CACNA2D3: variants seen among roughly 807,000 people sequenced by gnomAD.
The protein encoded by CACNA2D3 is calcium voltage-gated channel auxiliary subunit alpha2delta 3.
In CACNA2D3, 60 loss-of-function variants were observed where a neutral mutation model predicts 160.6. That is an observed-to-expected ratio of 0.37 (90% CI 0.30 to 0.46). The LOEUF (loss-of-function observed/expected upper bound fraction) is 0.46, where lower values mean the gene tolerates loss of function less well. CACNA2D3 is among the 20% of genes least tolerant of loss of function. The pLI, the probability that CACNA2D3 is intolerant of heterozygous loss-of-function variation, is 1.00. For synonymous variants in CACNA2D3, 558 were observed against 492.9 expected (o/e 1.13, Z -1.75); for missense variants, 1,205 against 1,365.0 (o/e 0.88, Z 1.85).
At chr3:54,275,409 A>T (rs1392519470) in intron 2 of CACNA2D3, among the ~76,000 whole-genome samples, 1 of 152,228 alleles carries the variant, frequency 6.6e-6, no homozygotes, top group Non-Finnish European at 1.5e-5. Context: ...CAAAAACAAT[A>T]TGAAAGGCAT....
chr3:54,171,136 C>CTTTTTTGTTTTTTTT, intron 2 of CACNA2D3, among the ~76,000 whole-genome samples: 1 of 62,540 alleles, frequency 1.6e-5, no homozygotes, highest in Non-Finnish European at 2.9e-5. Context: ...AAGATGATGA[C>CTTTTTTGTTTTTTTT]TTTTTTTTTT....
chr3:54,446,356 A>T (rs1700221888), intron 4 of CACNA2D3, among the ~76,000 whole-genome samples: 1 of 152,136 alleles, frequency 6.6e-6, no homozygotes, highest in Non-Finnish European at 1.5e-5. Flanking sequence ...CTCTGCACAG[A>T]TGGGTCTACT....
At chr3:54,818,544 C>G (rs979921551) in intron 14 of CACNA2D3, among the ~76,000 whole-genome samples, 1 of 152,210 alleles carries the variant, frequency 6.6e-6, no homozygotes, top group Non-Finnish European at 1.5e-5. Context: ...TGTTGCTGGG[C>G]TATATAATAC....
At chr3:54,608,686 C>T (rs1301304764) in intron 9 of CACNA2D3, among the ~76,000 whole-genome samples, 1 of 152,178 alleles carries the variant, frequency 6.6e-6, no homozygotes, top group Non-Finnish European at 1.5e-5. Flanking sequence ...TGGCTTCATC[C>T]TTGCTGCTTG....
At chr3:54,388,010 G>A (rs1329620037) in intron 4 of CACNA2D3, among the ~76,000 whole-genome samples, 5 of 152,186 alleles carry the variant, frequency 3.3e-5, no homozygotes. Context: ...CTTTTGCTTT[G>A]TGGGTACAAC....
chr3:54,512,456 G>A (rs555832183), intron 5 of CACNA2D3, among the ~76,000 whole-genome samples: 8 of 152,282 alleles, frequency 5.3e-5, no homozygotes, highest in East Asian at 1.9e-4. Flanking sequence ...TAGTGACACC[G>A]GGTCCCCCAC....
At chr3:54,484,293 G>C (rs1700979843) in intron 4 of CACNA2D3, among the ~76,000 whole-genome samples, 1 of 151,836 alleles carries the variant, frequency 6.6e-6, no homozygotes, top group Non-Finnish European at 1.5e-5. Context: ...TATTCTCCAT[G>C]ACCCCCTCCC....
chr3:54,858,008 G>A (rs1409108153), intron 17 of CACNA2D3, among the ~76,000 whole-genome samples: 1 of 151,588 alleles, frequency 6.6e-6, no homozygotes, highest in Admixed American at 6.6e-5. Flanking sequence ...TTTGAAGAAA[G>A]GATTTGATGA....
At chr3:55,056,058 G>C (rs184886333) in intron 35 of CACNA2D3, among the ~76,000 whole-genome samples, 45 of 152,078 alleles carry the variant, frequency 3.0e-4, no homozygotes, top group Admixed American at 1.3e-3. Context: ...CCAGAAAAAG[G>C]GTCAGTATCC....
At chr3:54,901,287 A>T (rs1009894061) in intron 27 of CACNA2D3, 1 of 152,256 alleles carries the variant, frequency 6.6e-6, no homozygotes, top group South Asian at 2.1e-4. Flanking sequence ...TTCTTTTTAA[A>T]ACCCTTTCTT....
chr3:54,372,473 C>G (rs937107821), intron 3 of CACNA2D3, among the ~76,000 whole-genome samples: 1 of 152,086 alleles, frequency 6.6e-6, no homozygotes, highest in Non-Finnish European at 1.5e-5. Context: ...TTATGAGCCC[C>G]TAGAACCATG....
At chr3:54,763,778 T>TATATATAC in intron 12 of CACNA2D3, among the ~76,000 whole-genome samples, 1 of 23,824 alleles carries the variant, frequency 4.2e-5, no homozygotes, top group South Asian at 1.0e-3. Context: ...TGTATATATG[T>TATATATAC]ACATATATAT....
At chr3:54,216,356 C>CT (rs1221589448) in intron 2 of CACNA2D3, among the ~76,000 whole-genome samples, 1 of 152,188 alleles carries the variant, frequency 6.6e-6, no homozygotes, top group Non-Finnish European at 1.5e-5. Context: ...TTTTGATTAT[C>CT]TTTAAGTATT....
At position 54,994,959 on chromosome 3, in the gene CACNA2D3, CTTTCTT is replaced by C. The variant is rs1243784989; in HGVS notation, c.2690+7210_2690+7215del. Among the ~76,000 whole-genome samples, 32 of 151,816 alleles carry C rather than the reference CTTTCTT, an allele frequency of 2.1e-4. 1 individual carries two copies. The highest frequency in any genetic ancestry group is 2.0e-3 in the Admixed American group (31 of 15,232). On this transcript the variant is annotated intron_variant, in intron 31 of 37. Transcript: ENST00000474759. ...GCCTTAAGAGATAGAGAAAGAAAGT[CTTTCTT>C]TTTATTTATTTATTTATTTTTTCTT...
chr3:54,828,756 T>C (rs1703800350), intron 14 of CACNA2D3, among the ~76,000 whole-genome samples: 1 of 152,188 alleles, frequency 6.6e-6, no homozygotes, highest in Non-Finnish European at 1.5e-5. Context: ...TGTTTACTTT[T>C]GTATTTAAAC....
intron 2 of CACNA2D3, among the ~76,000 whole-genome samples, chr3:54,184,564 T>C (rs912253676): frequency 1.3e-5 from 2 of 152,216 alleles, no homozygotes; most frequent in Non-Finnish European, 2.9e-5. Flanking sequence ...TAGGCCTTAG[T>C]GCAGCCCCTA....
In CACNA2D3 at chr3:54,457,833, G is replaced by C. The variant is rs550620901; in HGVS notation, c.382-45659G>C. On this transcript the variant is annotated intron_variant, in intron 4 of 37. Transcript: ENST00000474759. The stretch of plus-strand genomic sequence containing the variant: ...AATGATCCCTTTGTCATTACATAAT[G>C]ACTTTCTTTGTCTCTTCTTACAGCC... 1.5e-4 allele frequency among the ~76,000 whole-genome samples: 23 copies of C among 152,040 alleles called. No individual in the cohort carries two copies. The South Asian group carries it at 4.8e-3, about 32-fold the overall frequency.
At chr3:54,263,984 G>A (rs1702453379) in intron 2 of CACNA2D3, among the ~76,000 whole-genome samples, 1 of 152,102 alleles carries the variant, frequency 6.6e-6, no homozygotes, top group Non-Finnish European at 1.5e-5. Context: ...AGGAAAATAT[G>A]CCATCTTGTA....
intron 35 of CACNA2D3, among the ~76,000 whole-genome samples, chr3:55,053,619 C>T (rs1704287170): frequency 6.6e-6 from 1 of 152,070 alleles, no homozygotes; most frequent in African/African-American, 2.4e-5. Context: ...AGTTGCTTAG[C>T]TATATTGAAT....
Sources: allele counts gnomAD v4.1 joint callset (sites outside exome capture counted in the v4.1 genomes callset), GRCh38; gene constraint gnomAD v4.1.1; transcripts MANE v1.5; gene names NCBI Gene and HGNC (gene_info 2026-07-23, HGNC 2026-07-21).